GPR149: variants seen among roughly 807,000 people sequenced by gnomAD.
GPR149 encodes G protein-coupled receptor 149, also known as probable G protein-coupled receptor 149.
In GPR149, 50 loss-of-function variants were observed where a neutral mutation model predicts 50.2. The observed-to-expected ratio is 1.00, with a 90% CI of 0.79 to 1.26. GPR149 has a LOEUF of 1.26. GPR149 is among the 50% of genes most tolerant of loss of function. GPR149 has a pLI of 0.00. For synonymous variants in GPR149, 405 were observed against 358.2 expected (o/e 1.13, Z -1.48); for missense variants, 983 against 895.4 (o/e 1.10, Z -1.25).
At chr3:154,372,164 C>T (rs192439496) in intron 3 of GPR149, among the ~76,000 whole-genome samples, 1 of 120,796 alleles carries the variant, frequency 8.3e-6, no homozygotes, top group East Asian at 2.5e-4. Context: ...TCCAGCTGGG[C>T]TTCCTGGGTC....
intron 3 of GPR149, among the ~76,000 whole-genome samples, chr3:154,369,562 C>A (rs1305061387): frequency 6.6e-6 from 1 of 152,192 alleles, no homozygotes; most frequent in African/African-American, 2.4e-5. Context: ...GTGTTAAAGG[C>A]ACACCGGAAA....
At chr3:154,374,212 T>C (rs1479270338) in intron 3 of GPR149, among the ~76,000 whole-genome samples, 1 of 147,278 alleles carries the variant, frequency 6.8e-6, no homozygotes, top group Non-Finnish European at 1.5e-5. Context: ...CTGTTTTCTG[T>C]TGCCCAGGCT....
intron 3 of GPR149, chr3:154,354,764 G>T: frequency 1.4e-6 from 1 of 732,582 alleles, no homozygotes; most frequent in South Asian, 2.0e-5. Flanking sequence ...GGTGTTTTCA[G>T]CTCCATAATG....
intron 3 of GPR149, among the ~76,000 whole-genome samples, chr3:154,415,842 C>CG (rs1310658626): frequency 6.6e-6 from 1 of 151,798 alleles, no homozygotes; most frequent in Non-Finnish European, 1.5e-5. Context: ...AGCAAATTTT[C>CG]AATTTTCTGA....
intron 3 of GPR149, among the ~76,000 whole-genome samples, chr3:154,349,957 A>G (rs1315162627): frequency 6.6e-6 from 1 of 152,192 alleles, no homozygotes; most frequent in African/African-American, 2.4e-5. Context: ...TATTTGAGAT[A>G]GGGTTTTGCA....
At chr3:154,388,055 T>C (rs1375866299) in intron 3 of GPR149, among the ~76,000 whole-genome samples, 1 of 152,208 alleles carries the variant, frequency 6.6e-6, no homozygotes, top group Non-Finnish European at 1.5e-5. Context: ...TTGCCTATTT[T>C]GAATTGCAGG....
intron 3 of GPR149, among the ~76,000 whole-genome samples, chr3:154,404,441 C>T (rs1478354055): frequency 6.6e-6 from 1 of 152,016 alleles, no homozygotes; most frequent in African/African-American, 2.4e-5. Context: ...TTCAAATATC[C>T]ACACACAGAG....
intron 3 of GPR149, among the ~76,000 whole-genome samples, chr3:154,398,036 C>T (rs1246736750): frequency 7.6e-6 from 1 of 131,034 alleles, no homozygotes; most frequent in Non-Finnish European, 1.7e-5. Flanking sequence ...TTATGTGCTA[C>T]ACATTCTTTA....
At position 154,336,571 on chromosome 3, in the gene GPR149, G is replaced by C. The variant is rs1713660593; in HGVS notation, c.*1128C>G. On this transcript the variant is annotated 3_prime_UTR_variant, in exon 4 of 4. Transcript: ENST00000389740. ...TACATCTTACTATTATTCTGCCAAG[G>C]TGATTCCTGCATTTTTGCAATGTAA... is the stretch of plus-strand genomic sequence containing the variant. 1 of 151,982 alleles carries C rather than the reference G, an allele frequency of 6.6e-6. No homozygotes were observed. The highest frequency in any genetic ancestry group is 1.5e-5 in the Non-Finnish European group (1 of 67,914). The allele number at this position is 151,982 out of a possible 1,614,324, so 9.4% of individuals were successfully genotyped here.
At chr3:154,414,181 G>C (rs2108425636) in intron 3 of GPR149, among the ~76,000 whole-genome samples, 1 of 151,960 alleles carries the variant, frequency 6.6e-6, no homozygotes, top group African/African-American at 2.4e-5. Flanking sequence ...GCTAGCTAGG[G>C]CTAAAAGACT....
intron 3 of GPR149, among the ~76,000 whole-genome samples, chr3:154,379,792 A>G (rs1714873823): frequency 6.6e-6 from 1 of 152,130 alleles, no homozygotes; most frequent in Admixed American, 6.6e-5. Context: ...TATAATATCT[A>G]TATGTCTATC....
chr3:154,406,089 A>G (rs1217317286), intron 3 of GPR149, among the ~76,000 whole-genome samples: 1 of 152,014 alleles, frequency 6.6e-6, no homozygotes, highest in East Asian at 1.9e-4. Context: ...AGAAAAAGAA[A>G]TCTCTATAAA....
chr3:154,425,229 T>G (rs896245486), intron 2 of GPR149, among the ~76,000 whole-genome samples: 3 of 152,102 alleles, frequency 2.0e-5, no homozygotes, highest in African/African-American at 7.2e-5. Context: ...TATAATTATA[T>G]TTACATCTTC....
intron 3 of GPR149, among the ~76,000 whole-genome samples, chr3:154,365,200 C>T (rs1032434558): frequency 1.3e-5 from 2 of 152,194 alleles, no homozygotes; most frequent in African/African-American, 2.4e-5. Flanking sequence ...TTTAACCCCA[C>T]AGCTGGGAGC....
intron 3 of GPR149, among the ~76,000 whole-genome samples, chr3:154,359,854 TATG>T (rs1315422144): frequency 6.6e-6 from 1 of 151,924 alleles, no homozygotes; most frequent in African/African-American, 2.4e-5. Context: ...TGAAGAAAAA[TATG>T]ATGATTTTAA....
At chr3:154,415,699 G>T (rs1711966496) in intron 3 of GPR149, among the ~76,000 whole-genome samples, 2 of 151,868 alleles carry the variant, frequency 1.3e-5, no homozygotes, top group Non-Finnish European at 2.9e-5. Context: ...GTAAACAGTG[G>T]TTAACTCTGG....
chr3:154,419,796 G>A (rs898801521), intron 3 of GPR149, among the ~76,000 whole-genome samples: 2 of 152,016 alleles, frequency 1.3e-5, no homozygotes, highest in Non-Finnish European at 2.9e-5. Context: ...GCAAATTGGC[G>A]ATGAAAGTGT....
chr3:154,403,595 A>AT (rs1277590746), intron 3 of GPR149, among the ~76,000 whole-genome samples: 2 of 152,164 alleles, frequency 1.3e-5, no homozygotes, highest in Non-Finnish European at 2.9e-5. Flanking sequence ...ATGAAAACAT[A>AT]TTTTCCCATG....
In GPR149 at chr3:154,337,238, C is replaced by T. The variant is rs562535137; in HGVS notation, c.*461G>A. Among the ~76,000 whole-genome samples the T allele has an allele frequency of 6.6e-6, 1 of 152,158 alleles. No individual in the cohort carries two copies. The highest frequency in any genetic ancestry group is 6.6e-5 in the Admixed American group (1 of 15,266). On this transcript the variant is annotated 3_prime_UTR_variant, in exon 4 of 4. Coordinates refer to ENST00000389740, the MANE Select transcript of GPR149 (RefSeq NM_001038705.3). Reference sequence around the variant, plus strand: ...TGTAATAAGCTTGTTTTGCTAGCCACATTTAGGCAAGTTCCTTCAAATATA... The same window carrying T: ...TGTAATAAGCTTGTTTTGCTAGCCATATTTAGGCAAGTTCCTTCAAATATA...
Sources: allele counts gnomAD v4.1 joint callset (sites outside exome capture counted in the v4.1 genomes callset), GRCh38; gene constraint gnomAD v4.1.1; transcripts MANE v1.5; gene names NCBI Gene and HGNC (gene_info 2026-07-23, HGNC 2026-07-21).